Variants in SKP2 observed in about 807,000 individuals in gnomAD.
SKP2 encodes S-phase kinase-associated protein 2.
SKP2 carries 16 observed loss-of-function variants against 51.8 expected under a neutral mutation model. The ratio of observed to expected loss-of-function variants is 0.31; its 90% CI spans 0.21 to 0.47. SKP2 has a LOEUF of 0.47. Ranked by LOEUF, SKP2 falls within the 20% of genes least tolerant of loss-of-function variation. SKP2 has a pLI of 1.00. For synonymous variants in SKP2, 176 were observed against 198.6 expected (o/e 0.89, Z 0.96); for missense variants, 377 against 505.3 (o/e 0.75, Z 2.43).
At position 36,152,999 on chromosome 5, in the gene SKP2, T is replaced by G; in HGVS notation, c.237T>G (p.Phe79Leu). The G allele has an allele frequency of 6.2e-7, 1 of 1,614,124 alleles. No individual in the cohort carries two copies. The highest frequency in any genetic ancestry group is 8.5e-7 in the Non-Finnish European group (1 of 1,180,020). ...AGAGCAAAGGGAGTGACAAAGACTT[T>G]GTGATTGTCCGCAGGCCTAAGCTAA... The part of the protein sequence containing the change: ...RLKSKGSDKD[F>L]VIVRRPKLNR... Residue 79 changes from phenylalanine to leucine, a missense_variant, in exon 2 of 10, where the codon TTT becomes TTG. By Grantham distance (22) the Phe-to-Leu change is conservative (BLOSUM62 0). Around this residue, in one of 2 missense-constraint regions of SKP2, gnomAD observed 115 missense variants for 115.5 expected, o/e 1.00. Coordinates refer to ENST00000274255, the MANE Select transcript of SKP2 (RefSeq NM_005983.4).
rs763233569 is a variant in SKP2, at chr5:36,171,656, A to C, written c.824A>C (p.Gln275Pro). 6.2e-7 allele frequency: 1 copy of C among 1,613,850 alleles called. No homozygotes were observed. ...TTTGATTTCACTGAAAAGCATGTAC[A>C]GGTGGCTGTTGCGCATGTGTCAGAG... ...WCFDFTEKHV[Q>P]VAVAHVSETI... is the part of the protein sequence containing the mutation. The change falls in exon 7 of 10, where the codon CAG (glutamine) becomes CCG (proline). Residue 275 changes from glutamine (Q) to proline (P), a missense_variant. Gln to Pro is a moderately conservative substitution (Grantham distance 76, BLOSUM62 -1). Around this residue, in one of 2 missense-constraint regions of SKP2, gnomAD observed 262 missense variants for 389.8 expected, o/e 0.67. Transcript: ENST00000274255.
chr5:36,177,173 CCTT>C lies in SKP2; in HGVS notation c.954-8_954-6del. ...GTGATTTTCAATATCTTTTCTTCTG[CCTT>C]CTTAACAGTGATAGTGTCATGCTAA... On this transcript the variant is annotated splice_polypyrimidine_tract_variant and intron_variant, in intron 8 of 9. Coordinates refer to ENST00000274255, the MANE Select transcript of SKP2 (RefSeq NM_005983.4). The C allele has an allele frequency of 6.4e-7, 1 of 1,554,294 alleles. No homozygotes were observed. The highest frequency in any genetic ancestry group is 1.1e-5 in the South Asian group (1 of 89,774).
chr5:36,179,257 G>A (rs1299429227), intron 9 of SKP2, among the ~76,000 whole-genome samples: 5 of 152,074 alleles, frequency 3.3e-5, no homozygotes, highest in Non-Finnish European at 5.9e-5. Flanking sequence ...GAATTAGAAT[G>A]ACTCTAATTT....
At chr5:36,173,191 A>G (rs915530828) in intron 7 of SKP2, among the ~76,000 whole-genome samples, 4 of 152,182 alleles carry the variant, frequency 2.6e-5, no homozygotes, top group African/African-American at 9.7e-5. Flanking sequence ...TATTAAGTCA[A>G]TAACAATATA....
rs1745425060 is a variant in SKP2, at chr5:36,170,279, C to T, written c.672-65C>T. On this transcript the variant is annotated intron_variant, in intron 5 of 9. Coordinates refer to ENST00000274255, the MANE Select transcript of SKP2 (RefSeq NM_005983.4). ...CTTAACTACACTCGCCTGCTTTCAT[C>T]TAAATGTTGTTGATGAATAGTGTCT... 7.5e-6 allele frequency: 7 copies of T among 934,538 alleles called. No homozygotes were observed. In the South Asian group the frequency reaches 1.0e-4, roughly 14 times the overall value. The allele number at this position is 934,538 out of a possible 1,614,324, so 57.9% of individuals were successfully genotyped here. A position where few individuals can be genotyped will look rare whatever the true frequency, so the allele number is the denominator to read the frequency against.
At position 36,182,925 on chromosome 5, in the gene SKP2, T is replaced by C. The variant is rs1745855491; in HGVS notation, c.*894T>C. On this transcript the variant is annotated 3_prime_UTR_variant, in exon 10 of 10. Coordinates refer to ENST00000274255, the MANE Select transcript of SKP2 (RefSeq NM_005983.4). The stretch of plus-strand genomic sequence containing the variant: ...ATGGGAGAATTCTGAAGTTGCCTGC[T>C]GTTTTCCTTTAGCGCTGAGGTTCTT... The C allele has an allele frequency of 1.0e-6, 1 of 981,138 alleles. No homozygotes were observed. Among genetic ancestry groups the C allele is most frequent in the Non-Finnish European group, 1.2e-6 (1 of 826,010 alleles). 60.8% of individuals were successfully genotyped at this position (981,138 alleles called of 1,614,324 possible).
Position 36,182,180 on chromosome 5 carries a change from T to C in SKP2, c.*149T>C, listed in dbSNP as rs1322602449. 1 of 1,423,280 alleles carries C rather than the reference T, an allele frequency of 7.0e-7. No individual in the cohort carries two copies. The highest frequency in any genetic ancestry group is 9.2e-7 in the Non-Finnish European group (1 of 1,092,582). The allele number at this position is 1,423,280 out of a possible 1,614,324, so 88.2% of individuals were successfully genotyped here. A position where few individuals can be genotyped will look rare whatever the true frequency, so the allele number is the denominator to read the frequency against. On this transcript the variant is annotated 3_prime_UTR_variant, in exon 10 of 10. Coordinates refer to ENST00000274255, the MANE Select transcript of SKP2 (RefSeq NM_005983.4). ...TAGGGAGCCATTTGAGAGGGAAAAC[T>C]ATGAAATCTTGCTTTTTGAAATGAT...
At chr5:36,178,280 G>A (rs1459179546) in intron 9 of SKP2, among the ~76,000 whole-genome samples, 1 of 152,150 alleles carries the variant, frequency 6.6e-6, no homozygotes, top group African/African-American at 2.4e-5. Flanking sequence ...GGTAGGAAGG[G>A]TGGTGAATTT....
rs141292010 is a variant in SKP2 at position 36,183,671 on chromosome 5, CT to C, written c.*1651del. The C allele has an allele frequency of 0.025, 23,525 of 932,678 alleles. 76 individuals carry two copies. The highest frequency in any genetic ancestry group is 0.048 in the Middle Eastern group (117 of 2,420). 57.8% of individuals were successfully genotyped at this position (932,678 alleles called of 1,614,324 possible). On this transcript the variant is annotated 3_prime_UTR_variant, in exon 10 of 10. Transcript: ENST00000274255. ...AGCTAACACCAGTCATTTATATTAA[CT>C]TTTTTTTTTTAAATCAAAAATTGTT... is the stretch of plus-strand genomic sequence containing the variant.
Position 36,152,243 on chromosome 5 carries a change from C to CG in SKP2, c.-20_-19insG. The CG allele has an allele frequency of 6.2e-7, 1 of 1,613,798 alleles. No homozygotes were observed. The highest frequency in any genetic ancestry group is 1.1e-5 in the South Asian group (1 of 91,080). Reference sequence around the variant, plus strand: ...CTGCAGTTAATGCACGTATTTTAAACTCCCGGGCCTGCGGACGCTATGCAC... The same window carrying CG: ...CTGCAGTTAATGCACGTATTTTAAACGTCCCGGGCCTGCGGACGCTATGCAC... On this transcript the variant is annotated 5_prime_UTR_variant, in exon 1 of 10. Coordinates refer to ENST00000274255, the MANE Select transcript of SKP2 (RefSeq NM_005983.4).
At chr5:36,164,332 A>G (rs910458144) in intron 3 of SKP2, among the ~76,000 whole-genome samples, 1 of 152,286 alleles carries the variant, frequency 6.6e-6, no homozygotes, top group East Asian at 1.9e-4. Context: ...CAGAGTAGCC[A>G]TTGGTGGGGT....
At chr5:36,154,846 T>C (rs948517186) in intron 2 of SKP2, among the ~76,000 whole-genome samples, 14 of 152,188 alleles carry the variant, frequency 9.2e-5, no homozygotes, top group African/African-American at 2.9e-4. Context: ...TGGCCAAAGC[T>C]TGAAGTCTTG....
chr5:36,188,392 G>A (rs1167595592), downstream of SKP2, among the ~76,000 whole-genome samples: 1 of 152,154 alleles, frequency 6.6e-6, no homozygotes, highest in Non-Finnish European at 1.5e-5. Context: ...CATGTTTAGT[G>A]CTTCCTTTAG....
In SKP2 at chr5:36,183,996, TG is replaced by T; in HGVS notation, c.*1966del. On this transcript the variant is annotated 3_prime_UTR_variant, in exon 10 of 10. Transcript: ENST00000274255. ...TATGTGATTTCTACTTTTATAGACTTGTTTTAAAACAATAAAACACATTTTT... is the reference window on the plus strand; with the variant it reads ...TATGTGATTTCTACTTTTATAGACTTTTTTAAAACAATAAAACACATTTTT... 6.4e-7 allele frequency: 1 copy of T among 1,573,484 alleles called. No individual in the cohort carries two copies. Among genetic ancestry groups the T allele is most frequent in the Non-Finnish European group, 8.7e-7 (1 of 1,148,664 alleles).
chr5:36,168,685 G>A (rs1745373273), intron 5 of SKP2, among the ~76,000 whole-genome samples: 1 of 152,206 alleles, frequency 6.6e-6, no homozygotes, highest in Middle Eastern at 3.2e-3. Flanking sequence ...GATGAACAAT[G>A]CATGTGTATT....
rs889374644 is a variant in SKP2 at position 36,152,169 on chromosome 5, C to A, written c.-94C>A. On this transcript the variant is annotated 5_prime_UTR_variant, in exon 1 of 10. Coordinates refer to ENST00000274255, the MANE Select transcript of SKP2 (RefSeq NM_005983.4). ...CTGGCTGCTGGGGGCCCGAGCAGCA[C>A]GCTCGGAGCCGCCGCGCGCCAAAGC... 6 of 1,359,140 alleles carry A rather than the reference C, an allele frequency of 4.4e-6. No homozygotes were observed. Among genetic ancestry groups the A allele is most frequent in the Non-Finnish European group, 6.3e-6 (6 of 950,182 alleles). The allele number at this position is 1,359,140 out of a possible 1,614,324, so 84.2% of individuals were successfully genotyped here. A position where few individuals can be genotyped will look rare whatever the true frequency, so the allele number is the denominator to read the frequency against.
chr5:36,180,305 T>TA, intron 9 of SKP2: 1 of 1,296,996 alleles, frequency 7.7e-7, no homozygotes, highest in South Asian at 1.2e-5. Flanking sequence ...TGATTAAGTA[T>TA]AAGTATCTGT....
intron 2 of SKP2, among the ~76,000 whole-genome samples, chr5:36,161,373 G>T (rs1458086609): frequency 6.6e-6 from 1 of 151,436 alleles, no homozygotes; most frequent in Non-Finnish European, 1.5e-5. Context: ...ATGAAATTAT[G>T]GTACATAAGT....
At position 36,152,232 on chromosome 5, in the gene SKP2, C is replaced by G; in HGVS notation, c.-31C>G. On this transcript the variant is annotated 5_prime_UTR_variant, in exon 1 of 10. Transcript: ENST00000274255. ...GGCGAGCAGCTCTGCAGTTAATGCA[C>G]GTATTTTAAACTCCCGGGCCTGCGG... is the stretch of plus-strand genomic sequence containing the variant. 1 of 1,612,922 alleles carries G rather than the reference C, an allele frequency of 6.2e-7. No individual in the cohort carries two copies. Among genetic ancestry groups the G allele is most frequent in the Non-Finnish European group, 8.5e-7 (1 of 1,178,946 alleles).
Sources: allele counts gnomAD v4.1 joint callset (sites outside exome capture counted in the v4.1 genomes callset), GRCh38; gene constraint gnomAD v4.1.1; regional missense constraint gnomAD v4.1.1; transcripts MANE v1.5; gene names NCBI Gene and HGNC (gene_info 2026-07-23, HGNC 2026-07-21).